USP30: variants seen among roughly 807,000 people sequenced by gnomAD.
USP30 encodes ubiquitin carboxyl-terminal hydrolase 30.
A neutral mutation model predicts 68.2 loss-of-function variants in USP30; 41 were observed. That is an observed-to-expected ratio of 0.60 (90% CI 0.47 to 0.78). The LOEUF (loss-of-function observed/expected upper bound fraction) is 0.78, where lower values mean the gene tolerates loss of function less well. USP30 is among the 30% of genes least tolerant of loss of function. The pLI is 0.00. For synonymous variants in USP30, 229 were observed against 253.7 expected (o/e 0.90, Z 0.93); for missense variants, 522 against 649.4 (o/e 0.80, Z 2.13).
chr12:109,055,400 A>ATATATATATATTTTTTTTT (rs1298811530), intron 1 of USP30, among the ~76,000 whole-genome samples: 2 of 24,474 alleles, frequency 8.2e-5, no homozygotes, highest in African/African-American at 2.2e-4. Context: ...ATATATATAT[A>ATATATATATATTTTTTTTT]TTTTTTTTTT....
intron 3 of USP30, among the ~76,000 whole-genome samples, chr12:109,032,273 C>T (rs1241114426): frequency 2.6e-5 from 4 of 152,098 alleles, no homozygotes; most frequent in Non-Finnish European, 5.9e-5. Context: ...CACTGCACTC[C>T]AGCCTGGGAG....
intron 7 of USP30, among the ~76,000 whole-genome samples, chr12:109,076,486 GA>G (rs1443054443): frequency 2.6e-5 from 4 of 151,278 alleles, no homozygotes; most frequent in South Asian, 2.1e-4. Flanking sequence ...GATGATGGCA[GA>G]CATCTTTGCT....
Position 109,081,381 on chromosome 12 carries a change from A to G in USP30, c.768A>G (p.Pro256=), listed in dbSNP as rs1337549733. 6.2e-7 allele frequency: 1 copy of G among 1,614,112 alleles called. No homozygotes were observed. Among genetic ancestry groups the G allele is most frequent in the Non-Finnish European group, 8.5e-7 (1 of 1,180,024 alleles). ...TTGATAGCCTTTCACTAAGTATTCCAGCCGCCACATGGGTATGTACTGATT... is the reference window on the plus strand; with the variant it reads ...TTGATAGCCTTTCACTAAGTATTCCGGCCGCCACATGGGTATGTACTGATT... ...DTFDSLSLSI[P]AATWGHPLTL... is the part of the protein sequence containing the mutation. The change falls in exon 8 of 13, where the codon CCA becomes CCG. Residue 256 remains proline, a synonymous_variant. Transcript: ENST00000257548.
intron 1 of USP30, chr12:109,053,976 G>C (rs1021613063): frequency 4.4e-6 from 2 of 455,784 alleles, no homozygotes; most frequent in African/African-American, 4.0e-5. Context: ...TGGGCTCTTA[G>C]TTTCTTCTGC....
chr12:109,026,084 T>C (rs572584150), intron 2 of USP30, among the ~76,000 whole-genome samples: 1 of 152,036 alleles, frequency 6.6e-6, no homozygotes, highest in Non-Finnish European at 1.5e-5. Context: ...TTAATTAAAA[T>C]AAATTTTTTG....
intron 1 of USP30, 21 bp downstream of exon 1, chr12:109,052,782 G>A: frequency 1.4e-6 from 2 of 1,440,666 alleles, no homozygotes; most frequent in East Asian, 2.8e-5. Flanking sequence ...GGGGGGCGGG[G>A]CTGCCGAAGA....
chr12:109,035,442 C>A (rs2040511848), intron 3 of USP30, among the ~76,000 whole-genome samples: 1 of 152,136 alleles, frequency 6.6e-6, no homozygotes, highest in African/African-American at 2.4e-5. Context: ...CGGCTTACTG[C>A]AACCTCCGCC....
Position 109,042,859 on chromosome 12 carries a change from G to C in USP30, c.-135-4731G>C, listed in dbSNP as rs2040574421. ...TTTCATATGCAGAAAACCTTAAAGA[G>C]TCCAGAAAAAAGCTGTTAGAACTAA... On this transcript the variant is annotated intron_variant, in intron 3 of 15. Transcript: ENST00000392784. Among the ~76,000 whole-genome samples, 5 of 152,168 alleles carry C rather than the reference G, an allele frequency of 3.3e-5. 1 individual carries two copies. In the South Asian group the frequency reaches 1.0e-3, roughly 32 times the overall value.
At chr12:109,042,074 A>T (rs1272969025) in intron 3 of USP30, among the ~76,000 whole-genome samples, 3 of 151,548 alleles carry the variant, frequency 2.0e-5, no homozygotes, top group Non-Finnish European at 4.4e-5. Context: ...ACCACTTAAG[A>T]GGCATATCCT....
intron 7 of USP30, among the ~76,000 whole-genome samples, chr12:109,074,913 T>C (rs1300032255): frequency 3.9e-5 from 6 of 152,224 alleles, no homozygotes; most frequent in African/African-American, 1.4e-4. Flanking sequence ...GCATGTACTC[T>C]GCTTCTGTGA....
chr12:109,058,631 C>A lies in USP30; in HGVS notation c.376+523C>A, dbSNP rs570114339. On this transcript the variant is annotated intron_variant, in intron 3 of 12. Transcript: ENST00000257548. The stretch of plus-strand genomic sequence containing the variant: ...ATTTTTTAAATTGTCAAGTTAATAA[C>A]AGCTTTTTAAGGAAGGAAAGAAATC... Among the ~76,000 whole-genome samples, 4 of 149,930 alleles carry A rather than the reference C, an allele frequency of 2.7e-5. 1 individual carries two copies. In the South Asian group the frequency reaches 8.4e-4, roughly 32 times the overall value.
At chr12:109,080,063 G>GC (rs1566104163) in intron 7 of USP30, among the ~76,000 whole-genome samples, 1 of 152,200 alleles carries the variant, frequency 6.6e-6, no homozygotes. Flanking sequence ...TCTCTGCTCA[G>GC]TTTTTTTAGC....
At chr12:109,066,258 A>G (rs2041245175) in intron 3 of USP30, among the ~76,000 whole-genome samples, 1 of 151,832 alleles carries the variant, frequency 6.6e-6, no homozygotes, top group Non-Finnish European at 1.5e-5. Context: ...AAAAAAAAAA[A>G]AAAAAAAAGC....
intron 11 of USP30, 60 bp from the exon 12 acceptor site, chr12:109,084,893 C>G (rs2041902652): frequency 4.8e-6 from 7 of 1,470,312 alleles, no homozygotes; most frequent in Non-Finnish European, 6.3e-6. Context: ...TAATCAAAAC[C>G]AGGTTTTGTT....
chr12:109,054,778 T>C (rs2040789502), intron 1 of USP30: 1 of 152,174 alleles, frequency 6.6e-6, no homozygotes. Flanking sequence ...AAAGCCAGGA[T>C]TGAACCAGAA....
chr12:109,045,700 G>C (rs1378937906), intron 3 of USP30, among the ~76,000 whole-genome samples: 1 of 152,142 alleles, frequency 6.6e-6, no homozygotes, highest in East Asian at 1.9e-4. Flanking sequence ...ACCTAGCATG[G>C]GGTCTTGTCG....
intron 3 of USP30, among the ~76,000 whole-genome samples, chr12:109,042,893 T>C (rs1183762251): frequency 6.6e-6 from 1 of 152,120 alleles, no homozygotes; most frequent in East Asian, 1.9e-4. Context: ...AATAAATTAA[T>C]TCAGCAAAGT....
intron 9 of USP30, 33 bp from the exon 10 acceptor site, chr12:109,082,630 C>T (rs761397419): frequency 6.2e-7 from 1 of 1,605,178 alleles, no homozygotes. Flanking sequence ...CTATTTTAGG[C>T]ATTGCTGCAG....
chr12:109,084,967 G>C lies in USP30; in HGVS notation c.1183G>C (p.Gly395Arg), dbSNP rs757648403. ...TTCTCTTGCAGTTCTGAATCAGCCA[G>C]GGGCCCCCAAAACACAGATTTTTAT... Reference protein sequence around the residue: ...GAPTPVLNQPGAPKTQIFMNG... With the variant: ...GAPTPVLNQPRAPKTQIFMNG... The change falls in exon 12 of 13, where the codon GGG becomes CGG. Residue 395 changes from glycine to arginine, a missense_variant. Transcript: ENST00000257548. 1 of 1,599,104 alleles carries C rather than the reference G, an allele frequency of 6.3e-7. No homozygotes were observed. Among genetic ancestry groups the C allele is most frequent in the Non-Finnish European group, 8.5e-7 (1 of 1,171,396 alleles).
Sources: gnomAD v4.1 joint callset for allele counts (sites outside exome capture counted in the v4.1 genomes callset) on GRCh38, gnomAD v4.1.1 for gene constraint, MANE v1.5 for transcripts, NCBI Gene and HGNC (gene_info 2026-07-23, HGNC 2026-07-21) for gene names.